The following ASZ1 variants were observed in gnomAD, a reference collection of about 807,000 sequenced individuals.
The protein encoded by ASZ1 is ankyrin repeat, SAM and basic leucine zipper domain-containing protein 1.
In ASZ1, 67 loss-of-function variants were observed where a neutral mutation model predicts 61.8. The ratio of observed to expected loss-of-function variants is 1.08; its 90% CI spans 0.89 to 1.33. ASZ1 has a LOEUF of 1.33. Ranked by LOEUF, ASZ1 falls within the 40% of genes most tolerant of loss-of-function variation. The probability of loss-of-function intolerance (pLI) is 0.00; values close to 1 mark genes in which losing one functional copy is unlikely to be tolerated. For missense variants in ASZ1, 577 were observed against 554.5 expected, an observed-to-expected ratio of 1.04 and a Z score of -0.41; for synonymous variants, 193 against 192.7, an observed-to-expected ratio of 1.00 and a Z score of -0.01.
intron 4 of ASZ1, among the ~76,000 whole-genome samples, chr7:117,405,460 G>A (rs1418017440): frequency 6.6e-6 from 1 of 152,180 alleles, no homozygotes; most frequent in African/African-American, 2.4e-5. Flanking sequence ...ATCACAGCGT[G>A]GGCATGTGAC....
At chr7:117,422,208 A>T (rs1474471940) in intron 3 of ASZ1, 29 bp downstream of exon 3, 1 of 1,601,058 alleles carries the variant, frequency 6.2e-7, no homozygotes, top group East Asian at 2.2e-5. Context: ...CAGTAAGCAT[A>T]ATCATTTAAG....
chr7:117,422,205 C>A, intron 3 of ASZ1, 32 bp downstream of exon 3: 1 of 1,599,216 alleles, frequency 6.3e-7, no homozygotes, highest in Non-Finnish European at 8.5e-7. Flanking sequence ...TCACAGTAAG[C>A]ATAATCATTT....
At chr7:117,386,490 C>T (rs1796358498) in intron 4 of ASZ1, among the ~76,000 whole-genome samples, 1 of 152,100 alleles carries the variant, frequency 6.6e-6, no homozygotes, top group Non-Finnish European at 1.5e-5. Context: ...AGTTAGTCAC[C>T]TTCTGGGCCT....
intron 4 of ASZ1, among the ~76,000 whole-genome samples, chr7:117,403,846 T>C (rs1796726111): frequency 3.3e-5 from 5 of 152,076 alleles, no homozygotes; most frequent in African/African-American, 1.2e-4. Context: ...TGAGCGAGCA[T>C]TACCATCTGA....
chr7:117,397,022 T>C (rs1258470813), intron 4 of ASZ1, among the ~76,000 whole-genome samples: 1 of 151,206 alleles, frequency 6.6e-6, no homozygotes, highest in Non-Finnish European at 1.5e-5. Flanking sequence ...ATTAAAATAA[T>C]TAAATTAATT....
intron 10 of ASZ1, among the ~76,000 whole-genome samples, chr7:117,372,372 A>G (rs1796064910): frequency 6.6e-6 from 1 of 152,164 alleles, no homozygotes; most frequent in Non-Finnish European, 1.5e-5. Context: ...CAGAAGCTTC[A>G]AGAGCCACTG....
chr7:117,383,182 C>T (rs1796288069), intron 6 of ASZ1, 72 bp from the exon 7 acceptor site: 2 of 1,362,472 alleles, frequency 1.5e-6, no homozygotes, highest in African/African-American at 3.0e-5. Flanking sequence ...AGAAACTGAA[C>T]ATACGATTAT....
intron 4 of ASZ1, among the ~76,000 whole-genome samples, chr7:117,401,477 A>G (rs1251500777): frequency 6.6e-6 from 1 of 152,042 alleles, no homozygotes; most frequent in Non-Finnish European, 1.5e-5. Context: ...TAAGAGTAAC[A>G]GCTGACTTGT....
chr7:117,411,331 T>C (rs1342009890), intron 4 of ASZ1, among the ~76,000 whole-genome samples: 2 of 151,904 alleles, frequency 1.3e-5, no homozygotes, highest in Non-Finnish European at 3.0e-5. Context: ...AGATAAATTT[T>C]AAAATGATAA....
rs1345783548 is a variant in ASZ1 at position 117,363,751 on chromosome 7, A to C, written c.1276-3T>G. ...TCATTTTCCCGTTCATTTTGCAACT[A>C]ATATTTAGTATGGAAAAAGAAAAGA... is the stretch of plus-strand genomic sequence containing the variant. On this transcript the variant is annotated splice_polypyrimidine_tract_variant and splice_region_variant and intron_variant, in intron 12 of 12. Coordinates refer to ENST00000284629, the MANE Select transcript of ASZ1 (RefSeq NM_130768.3). 1 of 1,561,058 alleles carries C rather than the reference A, an allele frequency of 6.4e-7. No homozygotes were observed. Among genetic ancestry groups the C allele is most frequent in the East Asian group, 2.3e-5 (1 of 43,508 alleles).
At chr7:117,399,433 C>T (rs1166618705) in intron 4 of ASZ1, among the ~76,000 whole-genome samples, 1 of 152,158 alleles carries the variant, frequency 6.6e-6, no homozygotes. Flanking sequence ...TTGTAAATGC[C>T]TATAGCCTTG....
At chr7:117,369,499 A>G (rs1184461759) in intron 10 of ASZ1, among the ~76,000 whole-genome samples, 3 of 152,334 alleles carry the variant, frequency 2.0e-5, no homozygotes, top group East Asian at 1.9e-4. Context: ...AGTGGTGTGG[A>G]TAAAAGGAAC....
chr7:117,421,341 T>G (rs1271681672), intron 3 of ASZ1, among the ~76,000 whole-genome samples: 1 of 152,032 alleles, frequency 6.6e-6, no homozygotes, highest in Non-Finnish European at 1.5e-5. Flanking sequence ...GCCTTCTGAG[T>G]AGTTGAGACT....
chr7:117,371,641 T>C (rs1796052349), intron 10 of ASZ1, among the ~76,000 whole-genome samples: 1 of 152,142 alleles, frequency 6.6e-6, no homozygotes, highest in African/African-American at 2.4e-5. Context: ...TGTATTTTGT[T>C]TCCATGTACT....
At chr7:117,398,015 C>A (rs1773350302) in intron 4 of ASZ1, among the ~76,000 whole-genome samples, 1 of 152,252 alleles carries the variant, frequency 6.6e-6, no homozygotes, top group South Asian at 2.1e-4. Context: ...CCCAGAAAAC[C>A]TTGTGAGCAG....
intron 8 of ASZ1, among the ~76,000 whole-genome samples, chr7:117,381,273 A>G (rs966644931): frequency 6.6e-6 from 1 of 152,058 alleles, no homozygotes; most frequent in African/African-American, 2.4e-5. Context: ...AAAAGTATAA[A>G]TATAGCTAGT....
intron 11 of ASZ1, chr7:117,368,162 A>G (rs1795979131): frequency 3.8e-6 from 3 of 787,200 alleles, no homozygotes; most frequent in South Asian, 1.2e-4. Context: ...CCTGGCCTCA[A>G]GCAATTCTCC....
At chr7:117,385,555 C>A (rs1796337674) in intron 5 of ASZ1, 143 bp downstream of exon 5, 3 of 689,498 alleles carry the variant, frequency 4.4e-6, no homozygotes, top group African/African-American at 3.6e-5. Flanking sequence ...GTCACCATAC[C>A]CTTCTATTTC....
At chr7:117,408,126 G>A (rs1309260066) in intron 4 of ASZ1, among the ~76,000 whole-genome samples, 1 of 152,084 alleles carries the variant, frequency 6.6e-6, no homozygotes, top group African/African-American at 2.4e-5. Flanking sequence ...TCAATCTCCA[G>A]TCTCTCTCCT....
Sources: gnomAD v4.1 joint callset for allele counts (sites outside exome capture counted in the v4.1 genomes callset) on GRCh38, gnomAD v4.1.1 for gene constraint, MANE v1.5 for transcripts, NCBI Gene and HGNC (gene_info 2026-07-23, HGNC 2026-07-21) for gene names.